The following SHISA9 variants were observed in gnomAD, a reference collection of about 807,000 sequenced individuals.
SHISA9 encodes the protein shisa family member 9.
Under a neutral mutation model 38.0 loss-of-function variants are expected in SHISA9, and 13 were observed. The ratio of observed to expected loss-of-function variants is 0.34; its 90% CI spans 0.22 to 0.54. The LOEUF (loss-of-function observed/expected upper bound fraction) is 0.54. SHISA9 is among the 20% of genes least tolerant of loss of function. SHISA9 has a pLI of 0.91. For missense variants in SHISA9, 538 were observed against 575.8 expected, an observed-to-expected ratio of 0.93 and a Z score of 0.67; for synonymous variants, 275 against 242.0, an observed-to-expected ratio of 1.14 and a Z score of -1.27.
intron 2 of SHISA9, among the ~76,000 whole-genome samples, chr16:13,128,025 T>A (rs2050276109): frequency 6.6e-6 from 1 of 152,182 alleles, no homozygotes; most frequent in African/African-American, 2.4e-5. Flanking sequence ...TTTCCTGGGG[T>A]GCATACAGAC....
intron 2 of SHISA9, among the ~76,000 whole-genome samples, chr16:12,928,130 C>A (rs1003602444): frequency 2.0e-5 from 3 of 151,990 alleles, no homozygotes; most frequent in Non-Finnish European, 4.4e-5. Context: ...ATGAAGTTAG[C>A]CTCATGAAAA....
intron 2 of SHISA9, among the ~76,000 whole-genome samples, chr16:13,146,818 C>G (rs999609812): frequency 6.6e-6 from 1 of 152,198 alleles, no homozygotes; most frequent in African/African-American, 2.4e-5. Context: ...TGAATGGGAT[C>G]TGTTCTCCAA....
the SHISA9 span, among the ~76,000 whole-genome samples, chr16:13,414,632 TTTC>T: frequency 7.9e-6 from 1 of 127,254 alleles, no homozygotes; most frequent in African/African-American, 2.9e-5. Flanking sequence ...TCTTTCTTTC[TTTC>T]TTCTTTCTTT....
At chr16:13,423,407 C>T in the SHISA9 span, among the ~76,000 whole-genome samples, 1 of 152,140 alleles carries the variant, frequency 6.6e-6, no homozygotes. Flanking sequence ...CTGTAATCTA[C>T]CTTATCCCCC....
the SHISA9 span, among the ~76,000 whole-genome samples, chr16:13,436,457 C>T: frequency 6.6e-6 from 1 of 152,178 alleles, no homozygotes; most frequent in South Asian, 2.1e-4. Flanking sequence ...TCCAGGAATC[C>T]CTCAGCCCTT....
chr16:12,995,181 G>C (rs1306933634), intron 2 of SHISA9, among the ~76,000 whole-genome samples: 1 of 152,064 alleles, frequency 6.6e-6, no homozygotes, highest in Non-Finnish European at 1.5e-5. Context: ...TCACATCAAG[G>C]TAAATGGGGA....
chr16:13,457,485 T>C, the SHISA9 span, among the ~76,000 whole-genome samples: 2 of 152,100 alleles, frequency 1.3e-5, no homozygotes, highest in African/African-American at 4.8e-5. Context: ...GTCTGCCCCA[T>C]AGCACCACCT....
chr16:13,122,495 T>C (rs1351494438), intron 2 of SHISA9, among the ~76,000 whole-genome samples: 1 of 152,194 alleles, frequency 6.6e-6, no homozygotes, highest in Admixed American at 6.5e-5. Flanking sequence ...CTAAGATGTT[T>C]GCATATTTTC....
chr16:13,089,859 G>A (rs2073755201), intron 2 of SHISA9, among the ~76,000 whole-genome samples: 1 of 151,990 alleles, frequency 6.6e-6, no homozygotes, highest in African/African-American at 2.4e-5. Flanking sequence ...AAATTTGTTT[G>A]CTCTTGCTTC....
chr16:13,550,437 G>A, the SHISA9 span, among the ~76,000 whole-genome samples: 1 of 152,188 alleles, frequency 6.6e-6, no homozygotes, highest in South Asian at 2.1e-4. Flanking sequence ...TCCGGAACCA[G>A]CAAAATGTCC....
At chr16:12,941,134 T>C (rs532458352) in intron 2 of SHISA9, among the ~76,000 whole-genome samples, 1 of 152,108 alleles carries the variant, frequency 6.6e-6, no homozygotes, top group Admixed American at 6.5e-5. Flanking sequence ...TGTGGATCAC[T>C]TGAGGTCAGG....
intron 2 of SHISA9, among the ~76,000 whole-genome samples, chr16:13,085,681 G>C (rs967936806): frequency 1.3e-5 from 2 of 152,190 alleles, no homozygotes; most frequent in Admixed American, 1.3e-4. Context: ...TCTAATGTGA[G>C]AAATTCAGGT....
At chr16:13,353,190 T>C in the SHISA9 span, among the ~76,000 whole-genome samples, 3 of 151,958 alleles carry the variant, frequency 2.0e-5, no homozygotes, top group Admixed American at 2.0e-4. Flanking sequence ...TGAAAGGAGA[T>C]CTTGTGGTAA....
intron 4 of SHISA9, among the ~76,000 whole-genome samples, chr16:13,233,103 G>C (rs776321854): frequency 1.3e-5 from 2 of 152,144 alleles, no homozygotes; most frequent in Admixed American, 1.3e-4. Context: ...TGTTGTGTCA[G>C]AGTCAGATAG....
At chr16:13,522,542 G>A in the SHISA9 span, among the ~76,000 whole-genome samples, 2 of 152,128 alleles carry the variant, frequency 1.3e-5, no homozygotes, top group East Asian at 3.9e-4. Flanking sequence ...GAGGCCAGCT[G>A]TCATTCCACC....
the SHISA9 span, among the ~76,000 whole-genome samples, chr16:13,560,274 C>A: frequency 6.6e-6 from 1 of 152,170 alleles, no homozygotes; most frequent in African/African-American, 2.4e-5. Context: ...CCTGGAGATT[C>A]TCACCTGAGA....
intron 2 of SHISA9, among the ~76,000 whole-genome samples, chr16:13,168,497 C>G (rs936214971): frequency 6.6e-5 from 10 of 152,188 alleles, no homozygotes; most frequent in Non-Finnish European, 1.2e-4. Flanking sequence ...TGTCTACCAG[C>G]AAGGGAAGCT....
chr16:12,929,831 C>A (rs2071440560), intron 2 of SHISA9, among the ~76,000 whole-genome samples: 1 of 152,100 alleles, frequency 6.6e-6, no homozygotes, highest in Non-Finnish European at 1.5e-5. Context: ...TTTTAAATGT[C>A]CCAGAATTGC....
At chr16:13,469,286 G>C in the SHISA9 span, among the ~76,000 whole-genome samples, 74 of 131,006 alleles carry the variant, frequency 5.6e-4, no homozygotes, top group African/African-American at 2.2e-3. Flanking sequence ...GTAAGAGAGA[G>C]AGAGAGAAAG....
Sources: allele counts gnomAD v4.1 joint callset (sites outside exome capture counted in the v4.1 genomes callset), GRCh38; gene constraint gnomAD v4.1.1; transcripts MANE v1.5; gene names NCBI Gene and HGNC (gene_info 2026-07-23, HGNC 2026-07-21).